GARNL3: variants seen among roughly 807,000 people sequenced by gnomAD.
GARNL3 encodes GTPase activating Rap/RanGAP domain like 3.
A neutral mutation model predicts 125.0 loss-of-function variants in GARNL3; 63 were observed. The observed-to-expected ratio is 0.50, with a 90% confidence interval of 0.41 to 0.62. The LOEUF (loss-of-function observed/expected upper bound fraction) is 0.62, where lower values mean the gene tolerates loss of function less well. Among genes scored for constraint, GARNL3 ranks in the 20% least tolerant of loss-of-function variants. The pLI is 0.00. For missense variants in GARNL3, 994 were observed against 1,244.0 expected (o/e 0.80, Z 3.02); for synonymous variants, 439 against 457.5 (o/e 0.96, Z 0.52).
At chr9:127,378,765 T>G (rs561815197) in intron 22 of GARNL3, among the ~76,000 whole-genome samples, 101 of 152,096 alleles carry the variant, frequency 6.6e-4, no homozygotes, top group African/African-American at 2.3e-3. Flanking sequence ...TATATATATT[T>G]TTTGTTTGTT....
chr9:127,250,618 G>A (rs973326554), intron 2 of GARNL3, among the ~76,000 whole-genome samples: 6 of 152,180 alleles, frequency 3.9e-5, no homozygotes, highest in African/African-American at 1.2e-4. Flanking sequence ...AGAAAGATTC[G>A]AGTTGGAGGT....
At chr9:127,241,614 C>T (rs2063205853) in intron 1 of GARNL3, among the ~76,000 whole-genome samples, 1 of 151,846 alleles carries the variant, frequency 6.6e-6, no homozygotes. Flanking sequence ...ATGGGGGAAG[C>T]CAGGTCATCA....
At chr9:127,308,491 T>C (rs1249072225) in intron 2 of GARNL3, among the ~76,000 whole-genome samples, 1 of 152,050 alleles carries the variant, frequency 6.6e-6, no homozygotes, top group Non-Finnish European at 1.5e-5. Flanking sequence ...ACACACAATT[T>C]GCCCATGTAA....
intron 9 of GARNL3, 105 bp downstream of exon 9, chr9:127,333,226 G>A (rs552055789): frequency 3.0e-5 from 25 of 830,700 alleles, no homozygotes; most frequent in Non-Finnish European, 4.6e-5. Flanking sequence ...GGATGGATGA[G>A]AGAAGACTGG....
At chr9:127,367,164 C>T (rs3802369) in intron 22 of GARNL3, 21,693 of 152,182 alleles carry the variant, frequency 0.14, 2,074 homozygotes, top group South Asian at 0.34. Context: ...ACCAATAAAA[C>T]AGTTCTCTCC....
intron 1 of GARNL3, among the ~76,000 whole-genome samples, chr9:127,288,108 C>T (rs966335837): frequency 7.9e-5 from 12 of 152,200 alleles, no homozygotes; most frequent in African/African-American, 2.6e-4. Flanking sequence ...TGCTGGAGAG[C>T]GGAGAGAGCG....
At position 127,291,217 on chromosome 9, in the gene GARNL3, G is replaced by C. The variant is rs916210033; in HGVS notation, c.194G>C (p.Arg65Thr). The C allele has an allele frequency of 6.8e-6, 11 of 1,614,020 alleles. No homozygotes were observed. Among genetic ancestry groups the C allele is most frequent in the African/African-American group, 1.3e-5 (1 of 74,912 alleles). Residue 65 changes from arginine (R) to threonine (T), a missense_variant, in exon 2 of 28, where the codon AGA (arginine) becomes ACA (threonine). By Grantham distance (71) the Arg-to-Thr change is moderately conservative. Around this residue, in one of 5 missense-constraint regions of GARNL3, gnomAD observed 139 missense variants for 231.6 expected, o/e 0.60. Coordinates refer to ENST00000373387, the MANE Select transcript of GARNL3 (RefSeq NM_032293.5). ...DGAIQRAGRF[R>T]VENGSSDENA... ...GCCATCCAAAGGGCTGGAAGATTCAGAGTGGAAAATGGCTCTTCAGATGAG... is the reference window on the plus strand; with the variant it reads ...GCCATCCAAAGGGCTGGAAGATTCACAGTGGAAAATGGCTCTTCAGATGAG...
intron 2 of GARNL3, among the ~76,000 whole-genome samples, chr9:127,306,206 G>A (rs2779716): frequency 0.6 from 91,488 of 152,118 alleles, 30,361 homozygotes; most frequent in Admixed American, 0.74. Flanking sequence ...CTAGGATTAC[G>A]AAGGAAAACA....
At chr9:127,387,115 G>A (rs891728414) in intron 24 of GARNL3, 78 bp from the exon 25 acceptor site, 75 of 1,460,028 alleles carry the variant, frequency 5.1e-5, no homozygotes, top group Non-Finnish European at 6.9e-5. Context: ...TGGAGGGTTT[G>A]CAGTGATGGC....
rs935636133 is a variant in GARNL3 at position 127,233,269 on chromosome 9, A to G, written c.-29+8931A>G. Among the ~76,000 whole-genome samples, 9 of 152,272 alleles carry G rather than the reference A, an allele frequency of 5.9e-5. No homozygotes were observed. The East Asian group carries it at 1.2e-3, about 20-fold the overall frequency. ...AGCATATGTCCCTGAGTTGACATTC[A>G]TTGGCTCTCTTGGGTTCCATGGTCA... On this transcript the variant is annotated intron_variant, in intron 1 of 10. Coordinates refer to the GARNL3 transcript ENST00000439286.
intron 1 of GARNL3, among the ~76,000 whole-genome samples, chr9:127,270,360 C>T (rs2063795916): frequency 6.6e-6 from 1 of 152,230 alleles, no homozygotes; most frequent in Admixed American, 6.5e-5. Flanking sequence ...GTTTCTTCAG[C>T]TGTTCATTGT....
intron 11 of GARNL3, among the ~76,000 whole-genome samples, chr9:127,336,591 A>G (rs1829565822): frequency 6.6e-6 from 1 of 152,250 alleles, no homozygotes; most frequent in African/African-American, 2.4e-5. Context: ...AAAAACTTGC[A>G]AGTTAAGATA....
chr9:127,323,529 A>G (rs1224715726), intron 6 of GARNL3, among the ~76,000 whole-genome samples: 2 of 152,126 alleles, frequency 1.3e-5, no homozygotes, highest in African/African-American at 2.4e-5. Context: ...CAGGCCAGGG[A>G]CTGGTTGCAA....
intron 7 of GARNL3, 30 bp from the exon 8 acceptor site, chr9:127,332,244 A>C (rs1295393210): frequency 2.6e-6 from 4 of 1,551,712 alleles, no homozygotes; most frequent in Non-Finnish European, 3.6e-6. Context: ...TGATAAAATT[A>C]ACTGTAACAC....
intron 1 of GARNL3, among the ~76,000 whole-genome samples, chr9:127,282,746 A>G (rs1471622090): frequency 6.6e-6 from 1 of 152,226 alleles, no homozygotes; most frequent in Non-Finnish European, 1.5e-5. Flanking sequence ...CATGCTGAAC[A>G]GAGATCATAG....
intron 1 of GARNL3, among the ~76,000 whole-genome samples, chr9:127,239,335 G>A (rs3802375): frequency 0.17 from 25,093 of 152,054 alleles, 6,366 homozygotes; most frequent in African/African-American, 0.55. Flanking sequence ...AACAAAGAGG[G>A]AACCCTCTGC....
chr9:127,274,345 G>A (rs1201151026), intron 1 of GARNL3, among the ~76,000 whole-genome samples: 1 of 152,122 alleles, frequency 6.6e-6, no homozygotes, highest in Non-Finnish European at 1.5e-5. Context: ...AAATCCACCA[G>A]CTGAACACAT....
At position 127,332,020 on chromosome 9, in the gene GARNL3, G is replaced by A. The variant is rs56007242; in HGVS notation, c.595-254G>A. ...AGAACAGAACTGGTATCCTAGAGATGCCATTAGTAATGAAATTACAAATGA... is the reference window on the plus strand; with the variant it reads ...AGAACAGAACTGGTATCCTAGAGATACCATTAGTAATGAAATTACAAATGA... On this transcript the variant is annotated intron_variant, in intron 7 of 27. Coordinates refer to ENST00000373387, the MANE Select transcript of GARNL3 (RefSeq NM_032293.5). 3.9e-5 allele frequency among the ~76,000 whole-genome samples: 6 copies of A among 152,092 alleles called. No homozygotes were observed. In the South Asian group the frequency reaches 1.2e-3, roughly 32 times the overall value.
intron 1 of GARNL3, among the ~76,000 whole-genome samples, chr9:127,268,909 A>G (rs570304238): frequency 6.6e-6 from 1 of 152,348 alleles, no homozygotes; most frequent in East Asian, 1.9e-4. Context: ...TCCATGTGAT[A>G]GTGTATATCA....
Sources: allele counts gnomAD v4.1 joint callset (sites outside exome capture counted in the v4.1 genomes callset), GRCh38; gene constraint gnomAD v4.1.1; regional missense constraint gnomAD v4.1.1; transcripts MANE v1.5; gene names NCBI Gene and HGNC (gene_info 2026-07-23, HGNC 2026-07-21).